The following ARHGAP8 variants were observed in gnomAD, a reference collection of about 807,000 sequenced individuals.
ARHGAP8 encodes rho GTPase-activating protein 8.
A neutral mutation model predicts 46.1 loss-of-function variants in ARHGAP8; 62 were observed. The ratio of observed to expected loss-of-function variants is 1.34; its 90% CI spans 1.10 to 1.66. ARHGAP8 has a LOEUF of 1.66. Ranked by LOEUF, ARHGAP8 falls within the 40% of genes most tolerant of loss-of-function variation. ARHGAP8 has a pLI of 0.00. For synonymous variants in ARHGAP8, 375 were observed against 243.1 expected (o/e 1.54, Z -5.05); for missense variants, 923 against 568.4 (o/e 1.62, Z -6.34).
At chr22:44,837,337 C>T (rs922496953) in intron 7 of ARHGAP8, among the ~76,000 whole-genome samples, 2 of 152,212 alleles carry the variant, frequency 1.3e-5, no homozygotes, top group African/African-American at 2.4e-5. Flanking sequence ...CGATGCCCTC[C>T]AGTGGGTGGA....
chr22:44,758,526 C>T (rs932156177), intron 1 of ARHGAP8, among the ~76,000 whole-genome samples: 4 of 152,126 alleles, frequency 2.6e-5, no homozygotes, highest in African/African-American at 9.7e-5. Context: ...TGAATTGAGA[C>T]TGAGTCATTG....
chr22:44,813,323 A>G (rs903662505), intron 4 of ARHGAP8, among the ~76,000 whole-genome samples: 2 of 145,620 alleles, frequency 1.4e-5, no homozygotes, highest in South Asian at 2.1e-4. Context: ...CTGCATACAC[A>G]TACATACAGA....
In ARHGAP8 at chr22:44,857,148, C is replaced by G. The variant is rs1359765551; in HGVS notation, c.878-2583C>G. On this transcript the variant is annotated intron_variant, in intron 10 of 11. Coordinates refer to ENST00000356099, the MANE Select transcript of ARHGAP8 (RefSeq NM_181335.3). ...AGAGATGGGGTTTCTGCATGTTGGT[C>G]AGGCTGGTCTCAAACTCCTGACCTC... is the stretch of plus-strand genomic sequence containing the variant. Among the ~76,000 whole-genome samples, 3 of 145,378 alleles carry G rather than the reference C, an allele frequency of 2.1e-5. 1 individual carries two copies. Among genetic ancestry groups the G allele is most frequent in the African/African-American group, 8.1e-5 (3 of 36,886 alleles).
intron 10 of ARHGAP8, among the ~76,000 whole-genome samples, chr22:44,857,226 C>G (rs2070251951): frequency 6.6e-6 from 1 of 151,790 alleles, no homozygotes; most frequent in Admixed American, 6.6e-5. Context: ...AGGTGTGAGC[C>G]ACCACGACCA....
chr22:44,791,315 C>T (rs540573958), intron 2 of ARHGAP8, among the ~76,000 whole-genome samples: 49 of 152,176 alleles, frequency 3.2e-4, no homozygotes, highest in African/African-American at 1.1e-3. Context: ...GCCAGGGCCT[C>T]GATGCTGCAG....
intron 10 of ARHGAP8, among the ~76,000 whole-genome samples, chr22:44,855,388 C>T (rs532499325): frequency 6.6e-6 from 1 of 152,114 alleles, no homozygotes; most frequent in South Asian, 2.1e-4. Flanking sequence ...TGGTTTCAAA[C>T]TCCTGGGCTC....
At chr22:44,829,816 T>G (rs1930811462) in intron 7 of ARHGAP8, among the ~76,000 whole-genome samples, 1 of 152,154 alleles carries the variant, frequency 6.6e-6, no homozygotes, top group African/African-American at 2.4e-5. Flanking sequence ...AGCTATCACC[T>G]TAGAATGAGC....
intron 1 of ARHGAP8, among the ~76,000 whole-genome samples, chr22:44,774,818 G>A (rs1394407740): frequency 2.0e-5 from 3 of 151,320 alleles, no homozygotes; most frequent in South Asian, 2.1e-4. Context: ...CACCGTGCCT[G>A]GCCTTTTTTT....
chr22:44,776,452 CAAAAAAAAAG>C (rs1160502178), intron 1 of ARHGAP8, among the ~76,000 whole-genome samples: 7 of 144,582 alleles, frequency 4.8e-5, no homozygotes, highest in Non-Finnish European at 9.2e-5. Context: ...AACTCCGTCT[CAAAAAAAAAG>C]AAAAAAAAAA....
At chr22:44,828,484 C>G (rs1188281579) in intron 7 of ARHGAP8, among the ~76,000 whole-genome samples, 4 of 141,444 alleles carry the variant, frequency 2.8e-5, no homozygotes, top group African/African-American at 1.1e-4. Context: ...GAGTCTCACT[C>G]TGTTGCCCAG....
intron 7 of ARHGAP8, among the ~76,000 whole-genome samples, chr22:44,844,248 G>A (rs2069901135): frequency 6.6e-6 from 1 of 152,082 alleles, no homozygotes; most frequent in Non-Finnish European, 1.5e-5. Context: ...GGAATTACAG[G>A]CGTGAGCTAC....
In ARHGAP8 at chr22:44,801,948, T is replaced by A. The variant is rs1327268650; in HGVS notation, c.80-129T>A. The A allele has an allele frequency of 9.6e-6, 10 of 1,039,706 alleles. No homozygotes were observed. The East Asian group carries it at 2.4e-4, about 25-fold the overall frequency. The allele number at this position is 1,039,706 out of a possible 1,614,324, so 64.4% of individuals were successfully genotyped here. A position where few individuals can be genotyped will look rare whatever the true frequency, so the allele number is the denominator to read the frequency against. On this transcript the variant is annotated intron_variant, in intron 2 of 11. Coordinates refer to ENST00000356099, the MANE Select transcript of ARHGAP8 (RefSeq NM_181335.3). ...GGATGCTCACTCAGCAGGTGTCGCC[T>A]CCGAGGAACGCTGCTGCCTGTGCCT... is the stretch of plus-strand genomic sequence containing the variant.
At chr22:44,828,269 G>A (rs761696142) in intron 7 of ARHGAP8, among the ~76,000 whole-genome samples, 4 of 152,146 alleles carry the variant, frequency 2.6e-5, no homozygotes, top group Admixed American at 6.5e-5. Flanking sequence ...CAGACATTGT[G>A]AGAATTTGCG....
intron 7 of ARHGAP8, among the ~76,000 whole-genome samples, chr22:44,839,717 C>T (rs964078250): frequency 6.6e-6 from 1 of 152,228 alleles, no homozygotes; most frequent in Non-Finnish European, 1.5e-5. Flanking sequence ...GGAGGAAAGA[C>T]TTCACACTCA....
At chr22:44,841,161 C>G (rs1035083381) in intron 7 of ARHGAP8, among the ~76,000 whole-genome samples, 1 of 152,166 alleles carries the variant, frequency 6.6e-6, no homozygotes, top group African/African-American at 2.4e-5. Flanking sequence ...GGGAAGATGC[C>G]AAGCACTGAT....
chr22:44,846,501 C>T (rs1467338383), intron 8 of ARHGAP8, among the ~76,000 whole-genome samples: 3 of 152,212 alleles, frequency 2.0e-5, no homozygotes, highest in African/African-American at 7.2e-5. Flanking sequence ...CCAGACCCTG[C>T]GGCCCCAGCA....
At chr22:44,858,734 T>TGGCGGGGG (rs2070321036) in intron 10 of ARHGAP8, among the ~76,000 whole-genome samples, 1 of 119,158 alleles carries the variant, frequency 8.4e-6, no homozygotes, top group African/African-American at 3.1e-5. Context: ...TAAGGGTAAC[T>TGGCGGGGG]GGGGGGTCTC....
intron 11 of ARHGAP8, 144 bp downstream of exon 11, chr22:44,859,978 G>A: frequency 9.8e-7 from 1 of 1,024,756 alleles, no homozygotes; most frequent in Non-Finnish European, 1.4e-6. Context: ...GCCCCCCAAG[G>A]ACCTCATCCA....
intron 5 of ARHGAP8, among the ~76,000 whole-genome samples, chr22:44,816,541 A>G (rs1929753578): frequency 1.3e-5 from 2 of 152,204 alleles, no homozygotes; most frequent in African/African-American, 4.8e-5. Flanking sequence ...AGCCAGACAC[A>G]GTGGCTCATG....
Sources: allele counts gnomAD v4.1 joint callset (sites outside exome capture counted in the v4.1 genomes callset), GRCh38; gene constraint gnomAD v4.1.1; transcripts MANE v1.5; gene names NCBI Gene and HGNC (gene_info 2026-07-23, HGNC 2026-07-21).